The following PLEK variants were observed in gnomAD, a reference collection of about 807,000 sequenced individuals.
PLEK encodes the protein pleckstrin.
In PLEK, 25 loss-of-function variants were observed where a neutral mutation model predicts 43.9. The observed-to-expected ratio is 0.57, with a 90% CI of 0.41 to 0.79. The LOEUF (loss-of-function observed/expected upper bound fraction) is 0.79, where lower values mean the gene tolerates loss of function less well. Among genes scored for constraint, PLEK ranks in the 30% least tolerant of loss-of-function variants. PLEK has a pLI of 0.00. For synonymous variants in PLEK, 152 were observed against 144.4 expected (o/e 1.05, Z -0.38); for missense variants, 396 against 413.3 (o/e 0.96, Z 0.36).
intron 4 of PLEK, among the ~76,000 whole-genome samples, chr2:68,384,381 T>A (rs1673695897): frequency 1.3e-5 from 2 of 152,026 alleles, no homozygotes; most frequent in South Asian, 4.1e-4. Flanking sequence ...TGCACCACCA[T>A]GCCTGGCTAA....
intron 3 of PLEK, among the ~76,000 whole-genome samples, chr2:68,381,314 G>A (rs749673786): frequency 6.6e-5 from 10 of 152,196 alleles, no homozygotes; most frequent in Non-Finnish European, 1.5e-4. Flanking sequence ...CTCAGGAAGG[G>A]CCAGCCAGGG....
At chr2:68,375,467 T>G (rs191043157) in intron 1 of PLEK, among the ~76,000 whole-genome samples, 168 of 152,378 alleles carry the variant, frequency 1.1e-3, no homozygotes, top group African/African-American at 3.9e-3. Context: ...CTGGAATTAT[T>G]TCATGTGTTG....
At chr2:68,372,930 A>T (rs776179970) in intron 1 of PLEK, among the ~76,000 whole-genome samples, 3 of 152,194 alleles carry the variant, frequency 2.0e-5, no homozygotes, top group Non-Finnish European at 4.4e-5. Flanking sequence ...GGTCAGATGT[A>T]CTAGGCCAAT....
At chr2:68,368,580 A>G (rs981610046) in intron 1 of PLEK, among the ~76,000 whole-genome samples, 2 of 152,230 alleles carry the variant, frequency 1.3e-5, no homozygotes, top group Non-Finnish European at 2.9e-5. Flanking sequence ...TGTGGGCAAG[A>G]TTAAGTTTAA....
At chr2:68,374,113 A>G (rs977425433) in intron 1 of PLEK, among the ~76,000 whole-genome samples, 10 of 152,202 alleles carry the variant, frequency 6.6e-5, no homozygotes, top group African/African-American at 2.4e-4. Context: ...ATAAACACAC[A>G]TATCATATTA....
At position 68,380,341 on chromosome 2, in the gene PLEK, A is replaced by G. The variant is rs147519078; in HGVS notation, c.56A>G (p.Asn19Ser). The stretch of plus-strand genomic sequence containing the variant: ...TTGTCATTACAGGGGAGCGTGTTCA[A>G]TACGTGGAAACCCATGTGGGTTGTA... The part of the protein sequence containing the change: ...GYLVKKGSVF[N>S]TWKPMWVVLL... The change falls in exon 2 of 9, where the codon AAT becomes AGT. Residue 19 changes from asparagine (N) to serine (S), a missense_variant. Asn to Ser is a conservative substitution (Grantham distance 46, BLOSUM62 1). Transcript: ENST00000234313. The G allele has an allele frequency of 1.2e-6, 2 of 1,613,264 alleles. No individual in the cohort carries two copies. The highest frequency in any genetic ancestry group is 2.2e-5 in the East Asian group (1 of 44,860).
At chr2:68,372,748 G>GTA (rs780785543) in intron 1 of PLEK, among the ~76,000 whole-genome samples, 8 of 151,996 alleles carry the variant, frequency 5.3e-5, no homozygotes, top group South Asian at 2.1e-4. Flanking sequence ...ATATGTGTGT[G>GTA]TGTGTATATA....
rs35092569 is a variant in PLEK, at chr2:68,388,734, GA to G, written c.762+252del. Among the ~76,000 whole-genome samples, 188 of 150,590 alleles carry G rather than the reference GA, an allele frequency of 1.2e-3. 1 individual carries two copies. Among genetic ancestry groups the G allele is most frequent in the African/African-American group, 4.3e-3 (178 of 40,974 alleles). ...AATGCCTCTTTTATCAATATCATAG[GA>G]AAAAAAAAGGTGTTTCAAGAAAAAT... On this transcript the variant is annotated intron_variant, in intron 6 of 8. Coordinates refer to ENST00000234313, the MANE Select transcript of PLEK (RefSeq NM_002664.3).
chr2:68,393,277 AT>A, intron 7 of PLEK, 32 bp downstream of exon 7: 3 of 1,366,396 alleles, frequency 2.2e-6, no homozygotes, highest in Non-Finnish European at 3.1e-6. Context: ...ATCCATTCAA[AT>A]AAATAAATCC....
At chr2:68,383,428 G>T (rs1673673433) in intron 4 of PLEK, among the ~76,000 whole-genome samples, 1 of 152,162 alleles carries the variant, frequency 6.6e-6, no homozygotes, top group South Asian at 2.1e-4. Context: ...AAGATGGGTA[G>T]AATTTCATTA....
chr2:68,382,200 C>G (rs1673636824), intron 3 of PLEK, among the ~76,000 whole-genome samples: 1 of 152,030 alleles, frequency 6.6e-6, no homozygotes, highest in South Asian at 2.1e-4. Flanking sequence ...AAAATGGACC[C>G]TAGGAACCTT....
intron 1 of PLEK, among the ~76,000 whole-genome samples, chr2:68,374,081 C>A (rs1673458103): frequency 6.6e-6 from 1 of 152,162 alleles, no homozygotes; most frequent in African/African-American, 2.4e-5. Context: ...TTGTCTCTCC[C>A]TATCTCTGAA....
chr2:68,385,238 A>G (rs1325490019), intron 4 of PLEK, among the ~76,000 whole-genome samples: 4 of 152,296 alleles, frequency 2.6e-5, no homozygotes, highest in African/African-American at 7.2e-5. Context: ...CATCACCTCA[A>G]ATATCTATCT....
chr2:68,392,001 C>T (rs1409463805), intron 6 of PLEK, among the ~76,000 whole-genome samples: 1 of 152,142 alleles, frequency 6.6e-6, no homozygotes, highest in African/African-American at 2.4e-5. Flanking sequence ...CACTGTGGCC[C>T]TGGGAAACAA....
At chr2:68,368,694 A>T (rs1436868988) in intron 1 of PLEK, among the ~76,000 whole-genome samples, 1 of 152,238 alleles carries the variant, frequency 6.6e-6, no homozygotes, top group Non-Finnish European at 1.5e-5. Context: ...TATGTTCATC[A>T]TCATAACTGG....
chr2:68,380,625 C>T (rs1308377772), intron 2 of PLEK, 98 bp from the exon 3 acceptor site: 1 of 1,448,802 alleles, frequency 6.9e-7, no homozygotes, highest in Non-Finnish European at 9.4e-7. Flanking sequence ...TTGGGTTTCT[C>T]TTGGCTAGAA....
Position 68,386,514 on chromosome 2 carries a change from T to A in PLEK, c.485T>A (p.Ile162Asn). The A allele has an allele frequency of 6.2e-7, 1 of 1,613,652 alleles. No homozygotes were observed. Among genetic ancestry groups the A allele is most frequent in the Non-Finnish European group, 8.5e-7 (1 of 1,179,674 alleles). Residue 162 changes from isoleucine (I) to asparagine (N), a missense_variant, in exon 5 of 9, where the codon ATT becomes AAT. By Grantham distance (149) the Ile-to-Asn change is moderately radical. Coordinates refer to ENST00000234313, the MANE Select transcript of PLEK (RefSeq NM_002664.3). ...TGGTCCCATCTAGGTAACTGCGTCA[T>A]TGATTGGCTGGTATCCAACCAGTCT... ...FNHCFTGNCVIDWLVSNQSVR... is the reference protein window; with the variant it reads ...FNHCFTGNCVNDWLVSNQSVR...
intron 6 of PLEK, 63 bp downstream of exon 6, chr2:68,388,554 G>A: frequency 1.2e-6 from 1 of 861,250 alleles, no homozygotes; most frequent in Non-Finnish European, 2.0e-6. Context: ...TTGTTTCTAA[G>A]TTACCCAGTG....
At chr2:68,395,087 T>G (rs1673939895) in intron 8 of PLEK, among the ~76,000 whole-genome samples, 1 of 152,096 alleles carries the variant, frequency 6.6e-6, no homozygotes, top group Non-Finnish European at 1.5e-5. Context: ...CTTTTAGTCT[T>G]CAGCAGAACT....
Sources: allele counts gnomAD v4.1 joint callset (sites outside exome capture counted in the v4.1 genomes callset), GRCh38; gene constraint gnomAD v4.1.1; transcripts MANE v1.5; gene names NCBI Gene and HGNC (gene_info 2026-07-23, HGNC 2026-07-21).